Variants in PLXNA2 observed in about 807,000 individuals in gnomAD.
PLXNA2 encodes plexin-A2.
Under a neutral mutation model 193.5 loss-of-function variants are expected in PLXNA2, and 91 were observed. The observed-to-expected ratio is 0.47, with a 90% CI of 0.40 to 0.56. The LOEUF is 0.56. PLXNA2 is among the 20% of genes least tolerant of loss of function. The probability of loss-of-function intolerance (pLI) is 0.00; values close to 1 mark genes in which losing one functional copy is unlikely to be tolerated. For missense variants in PLXNA2, 1,995 were observed against 2,503.2 expected (o/e 0.80, Z 4.33); for synonymous variants, 997 against 1,027.3 (o/e 0.97, Z 0.56).
intron 12 of PLXNA2, among the ~76,000 whole-genome samples, chr1:208,062,653 C>T (rs1251972293): frequency 8.6e-5 from 13 of 152,026 alleles, no homozygotes; most frequent in Non-Finnish European, 5.9e-5. Context: ...ATAAAATATC[C>T]CCCTTATGAA....
At chr1:208,198,172 A>C (rs968152111) in intron 3 of PLXNA2, among the ~76,000 whole-genome samples, 1 of 152,190 alleles carries the variant, frequency 6.6e-6, no homozygotes, top group African/African-American at 2.4e-5. Flanking sequence ...TAAACAGAGA[A>C]CAAGCATTTG....
At chr1:208,204,348 A>G (rs557177021) in intron 3 of PLXNA2, among the ~76,000 whole-genome samples, 2 of 152,316 alleles carry the variant, frequency 1.3e-5, no homozygotes, top group South Asian at 4.1e-4. Context: ...TGTCTGTACT[A>G]TTCTGGGGCC....
intron 4 of PLXNA2, among the ~76,000 whole-genome samples, chr1:208,132,794 A>G (rs1413080583): frequency 6.6e-6 from 1 of 152,176 alleles, no homozygotes. Context: ...GGTTCCTGGT[A>G]CTTTTCAGAG....
intron 1 of PLXNA2, among the ~76,000 whole-genome samples, chr1:208,218,665 T>C (rs1360368502): frequency 6.6e-6 from 1 of 152,172 alleles, no homozygotes; most frequent in Middle Eastern, 3.2e-3. Context: ...GAACAGCTGT[T>C]AGAACTTGTT....
intron 3 of PLXNA2, among the ~76,000 whole-genome samples, chr1:208,196,569 A>T (rs1024860342): frequency 1.3e-5 from 2 of 152,142 alleles, no homozygotes; most frequent in African/African-American, 4.8e-5. Context: ...GGTGCTGAAC[A>T]CCTGTGAGTT....
chr1:208,077,057 A>T (rs192729494), intron 12 of PLXNA2, among the ~76,000 whole-genome samples: 2 of 152,348 alleles, frequency 1.3e-5, no homozygotes, highest in Non-Finnish European at 2.9e-5. Flanking sequence ...AAGAAAAAAA[A>T]TATTGAAATG....
intron 12 of PLXNA2, among the ~76,000 whole-genome samples, chr1:208,061,860 T>C (rs531642833): frequency 6.6e-6 from 1 of 152,112 alleles, no homozygotes; most frequent in Non-Finnish European, 1.5e-5. Flanking sequence ...GTGAACTCAA[T>C]CCTAGATAGC....
chr1:208,144,837 G>C (rs1237781990), intron 3 of PLXNA2, among the ~76,000 whole-genome samples: 1 of 152,034 alleles, frequency 6.6e-6, no homozygotes, highest in African/African-American at 2.4e-5. Flanking sequence ...AATGTTGTTA[G>C]AAGCCCATTT....
intron 4 of PLXNA2, among the ~76,000 whole-genome samples, chr1:208,104,373 C>T (rs756113240): frequency 3.3e-5 from 5 of 152,166 alleles, no homozygotes; most frequent in African/African-American, 7.2e-5. Context: ...AACAGAGAAA[C>T]GACAGCGAAC....
chr1:208,230,370 C>G (rs1372575272), intron 1 of PLXNA2: 1 of 152,302 alleles, frequency 6.6e-6, no homozygotes, highest in East Asian at 1.9e-4. Context: ...GTCATTCCCA[C>G]CATTTCTATC....
chr1:208,238,376 T>C (rs1671936565), intron 1 of PLXNA2, among the ~76,000 whole-genome samples: 1 of 152,192 alleles, frequency 6.6e-6, no homozygotes, highest in Admixed American at 6.5e-5. Context: ...ATTTATCTTG[T>C]TTTTCTTCTT....
chr1:208,144,707 A>G (rs911368766), intron 3 of PLXNA2, among the ~76,000 whole-genome samples: 1 of 151,140 alleles, frequency 6.6e-6, no homozygotes, highest in Admixed American at 6.6e-5. Context: ...GTGCCTCATC[A>G]CTCCCCTTGT....
At chr1:208,225,688 G>T (rs370702575) in intron 1 of PLXNA2, among the ~76,000 whole-genome samples, 1 of 152,130 alleles carries the variant, frequency 6.6e-6, no homozygotes, top group Admixed American at 6.6e-5. Context: ...GTGTGATCTG[G>T]TGTCCTTATA....
At chr1:208,072,645 A>G (rs1032666384) in intron 12 of PLXNA2, among the ~76,000 whole-genome samples, 7 of 152,200 alleles carry the variant, frequency 4.6e-5, no homozygotes, top group Non-Finnish European at 1.0e-4. Context: ...TGAGTGTGAT[A>G]GCTTCAAGAA....
At chr1:208,174,292 G>A (rs874786) in intron 3 of PLXNA2, among the ~76,000 whole-genome samples, 56,899 of 151,784 alleles carry the variant, frequency 0.37, 10,810 homozygotes, top group Middle Eastern at 0.44. Context: ...GTGGGGTTGG[G>A]GGCTGGAGAG....
intron 12 of PLXNA2, among the ~76,000 whole-genome samples, chr1:208,066,961 T>C (rs1451116184): frequency 6.6e-6 from 1 of 152,196 alleles, no homozygotes; most frequent in African/African-American, 2.4e-5. Context: ...AAAGAAAATA[T>C]TTTTGTACAG....
intron 3 of PLXNA2, among the ~76,000 whole-genome samples, chr1:208,163,498 C>T (rs1669199348): frequency 6.6e-6 from 1 of 152,206 alleles, no homozygotes. Context: ...AGAGAGCTCA[C>T]CTTTGCCTGG....
chr1:208,064,692 G>A (rs1571877125), intron 12 of PLXNA2, among the ~76,000 whole-genome samples: 1 of 152,296 alleles, frequency 6.6e-6, no homozygotes, highest in East Asian at 1.9e-4. Context: ...TCTCTGTGTT[G>A]GGCCCGGGAA....
intron 4 of PLXNA2, among the ~76,000 whole-genome samples, chr1:208,132,538 T>C (rs945892106): frequency 2.6e-5 from 4 of 152,200 alleles, no homozygotes; most frequent in Non-Finnish European, 5.9e-5. Context: ...ACTTATCTCA[T>C]AGGACTGGTG....
Sources: allele counts gnomAD v4.1 joint callset (sites outside exome capture counted in the v4.1 genomes callset), GRCh38; gene constraint gnomAD v4.1.1; transcripts MANE v1.5; gene names NCBI Gene and HGNC (gene_info 2026-07-23, HGNC 2026-07-21).